Variants in DOCK6 observed in about 807,000 individuals in gnomAD.
DOCK6 encodes the protein dedicator of cytokinesis 6.
A neutral mutation model predicts 230.3 loss-of-function variants in DOCK6; 167 were observed. The ratio of observed to expected loss-of-function variants is 0.73; its 90% CI spans 0.64 to 0.82. The LOEUF (loss-of-function observed/expected upper bound fraction) is 0.82. Ranked by LOEUF, DOCK6 falls within the 40% of genes least tolerant of loss-of-function variation. The pLI is 0.00. For missense variants in DOCK6, 2,598 were observed against 2,825.8 expected, an observed-to-expected ratio of 0.92 and a Z score of 1.83; for synonymous variants, 1,148 against 1,185.0, an observed-to-expected ratio of 0.97 and a Z score of 0.64.
chr19:11,243,723 C>T lies in DOCK6; in HGVS notation c.1105-13G>A. ...GCTTCTCTTTGTTCTGTGGGGAGAC[C>T]CCGTCCCCTGCCAGCTCAGCATCCT... On this transcript the variant is annotated splice_polypyrimidine_tract_variant and intron_variant, in intron 10 of 47. Transcript: ENST00000294618. The surrounding 1 kb of genome is among the most constrained non-coding windows in gnomAD (Gnocchi z 6.3). 6.2e-7 allele frequency: 1 copy of T among 1,613,838 alleles called. No individual in the cohort carries two copies. Among genetic ancestry groups the T allele is most frequent in the Non-Finnish European group, 8.5e-7 (1 of 1,179,836 alleles).
Position 11,217,316 on chromosome 19 carries a change from G to A in DOCK6, c.3626C>T (p.Thr1209Ile). 6.2e-7 allele frequency: 1 copy of A among 1,613,396 alleles called. No individual in the cohort carries two copies. The highest frequency in any genetic ancestry group is 8.5e-7 in the Non-Finnish European group (1 of 1,179,772). Residue 1209 changes from threonine (T) to isoleucine (I), a missense_variant, in exon 29 of 48, where the codon ACC (threonine) becomes ATC (isoleucine). Transcript: ENST00000294618. Reference protein sequence around the residue: ...DTEGEGDIAGTINPSVAMAIA... With the variant: ...DTEGEGDIAGIINPSVAMAIA... ...GGCCATGGCCACAGAGGGGTTGATG[G>A]TACCCGCAATGTCCCCTTCGCCTTC...
In DOCK6 at chr19:11,237,696, T is replaced by C. The variant is rs1432118370; in HGVS notation, c.1916A>G (p.His639Arg). ...ENHHLLFTFY[H>R]VSCQPRPGTA... Reference sequence around the variant, plus strand: ...GCCCGGCCGGGGCTGGCAGCTGACATGGTAGAAGGTGAACAGCAGGTGATG... The same window carrying C: ...GCCCGGCCGGGGCTGGCAGCTGACACGGTAGAAGGTGAACAGCAGGTGATG... The change falls in exon 17 of 48, where the codon CAT (histidine) becomes CGT (arginine). Residue 639 changes from histidine (H) to arginine (R), a missense_variant. Transcript: ENST00000294618. 3.1e-6 allele frequency: 5 copies of C among 1,592,686 alleles called. No individual in the cohort carries two copies. Among genetic ancestry groups the C allele is most frequent in the Non-Finnish European group, 4.3e-6 (5 of 1,170,310 alleles).
At position 11,222,642 on chromosome 19, in the gene DOCK6, G is replaced by T. The variant is rs1372042542; in HGVS notation, c.3240+93C>A. On this transcript the variant is annotated intron_variant, in intron 26 of 47. Coordinates refer to ENST00000294618, the MANE Select transcript of DOCK6 (RefSeq NM_020812.4). The surrounding 1 kb of genome is among the most constrained non-coding windows in gnomAD (Gnocchi z 4.0). ...TAGTTCACCTAGGCAGTGGTCCACC[G>T]TGAAAGGGACAGAGATGAGGGAACC... 1.5e-6 allele frequency: 2 copies of T among 1,345,894 alleles called. No individual in the cohort carries two copies. Among genetic ancestry groups the T allele is most frequent in the Non-Finnish European group, 2.0e-6 (2 of 994,194 alleles). The allele number at this position is 1,345,894 out of a possible 1,614,324, so 83.4% of individuals were successfully genotyped here.
At position 11,227,421 on chromosome 19, in the gene DOCK6, C is replaced by T. The variant is rs1270948416; in HGVS notation, c.2871G>A (p.Lys957=). ...LLGQRLDTPR[K]LRFPGRFLDD... is the part of the protein sequence containing the mutation. ...CCAGGAAGCGTCCGGGGAAGCGCAG[C>T]TTGCGGGGTGTGTCTAGTCGCTGGC... Residue 957 remains lysine (K), a synonymous_variant, in exon 24 of 48, where the codon AAG becomes AAA. Coordinates refer to ENST00000294618, the MANE Select transcript of DOCK6 (RefSeq NM_020812.4). 1.2e-6 allele frequency: 2 copies of T among 1,612,878 alleles called. No individual in the cohort carries two copies. The highest frequency in any genetic ancestry group is 2.2e-5 in the South Asian group (2 of 90,928).
In DOCK6 at chr19:11,200,347, C is replaced by T. The variant is rs920607098; in HGVS notation, c.6062G>A (p.Arg2021His). ...GGTGGGTGCCATCAGCTGGGGCAGG[C>T]GCTGGGTAAGCAGGGGCTGCAGAGC... ...REALQPLLTQ[R>H]LPQLMAPTPP... is the part of the protein sequence containing the mutation. The change falls in exon 47 of 48, where the codon CGC (arginine) becomes CAC (histidine). Residue 2021 changes from arginine (R) to histidine (H), a missense_variant. Transcript: ENST00000294618. This position sits in a 1 kb window ranked among gnomAD's most constrained non-coding sequence, Gnocchi z 4.3. 39 of 1,578,086 alleles carry T rather than the reference C, an allele frequency of 2.5e-5. No homozygotes were observed. Among genetic ancestry groups the T allele is most frequent in the East Asian group, 7.0e-5 (3 of 42,920 alleles).
chr19:11,253,237 T>C (rs2080147195), intron 2 of DOCK6, among the ~76,000 whole-genome samples: 1 of 152,084 alleles, frequency 6.6e-6, no homozygotes, highest in Non-Finnish European at 1.5e-5. Flanking sequence ...GAAAGAAATG[T>C]TGACAGAGGC....
chr19:11,203,738 T>G, intron 41 of DOCK6: 1 of 398,252 alleles, frequency 2.5e-6, no homozygotes, highest in Non-Finnish European at 4.5e-6. Flanking sequence ...AGCCACGTGA[T>G]AGACTGGGGA....
chr19:11,209,639 CCTGT>C (rs1437257748), intron 37 of DOCK6, among the ~76,000 whole-genome samples: 1 of 95,264 alleles, frequency 1.0e-5, no homozygotes, highest in Non-Finnish European at 2.5e-5. Context: ...CATCCCTTCA[CCTGT>C]CTATCCCCTC....
At chr19:11,210,168 AC>A (rs1390928017) in intron 37 of DOCK6, among the ~76,000 whole-genome samples, 6 of 117,152 alleles carry the variant, frequency 5.1e-5, no homozygotes, top group Non-Finnish European at 8.8e-5. Flanking sequence ...TCACCTGCCC[AC>A]CCTCTCACCT....
chr19:11,203,937 G>A lies in DOCK6; in HGVS notation c.5235+144C>T, dbSNP rs1434642050. The stretch of plus-strand genomic sequence containing the variant: ...TTTTTGGGGAAGGGAGGGAAATAAT[G>A]GGGTGGGTCCCTTGTGGCCACAGCC... On this transcript the variant is annotated intron_variant, in intron 41 of 47. Coordinates refer to ENST00000294618, the MANE Select transcript of DOCK6 (RefSeq NM_020812.4). The A allele has an allele frequency of 3.7e-6, 4 of 1,080,490 alleles. No homozygotes were observed. In the African/African-American group the frequency reaches 6.5e-5, roughly 17 times the overall value. 66.9% of individuals were successfully genotyped at this position (1,080,490 alleles called of 1,614,324 possible).
chr19:11,216,769 A>T lies in DOCK6; in HGVS notation c.3894+145T>A, dbSNP rs186997675. ...GACTTTATTCCTTGCCTCAGCACAGAAACAGTCCACCCCTTTCCTCTCAGT... is the reference window on the plus strand; with the variant it reads ...GACTTTATTCCTTGCCTCAGCACAGTAACAGTCCACCCCTTTCCTCTCAGT... On this transcript the variant is annotated intron_variant, in intron 30 of 47. Transcript: ENST00000294618. 1.1e-4 allele frequency: 93 copies of T among 826,874 alleles called. 2 individuals are homozygous for T. The East Asian group carries it at 1.8e-3, about 16-fold the overall frequency. 51.2% of individuals were successfully genotyped at this position (826,874 alleles called of 1,614,324 possible). A position where few individuals can be genotyped will look rare whatever the true frequency, so the allele number is the denominator to read the frequency against.
Position 11,252,965 on chromosome 19 carries a change from T to G in DOCK6, c.133-7A>C. On this transcript the variant is annotated splice_polypyrimidine_tract_variant and splice_region_variant and intron_variant, in intron 2 of 47. Coordinates refer to ENST00000294618, the MANE Select transcript of DOCK6 (RefSeq NM_020812.4). The stretch of plus-strand genomic sequence containing the variant: ...CAACTTCAGTCAGTGGGACCTGGAT[T>G]GGAGCAAAGTGGCTGTGATCGCACT... The G allele has an allele frequency of 6.3e-7, 1 of 1,598,002 alleles. No individual in the cohort carries two copies.
intron 24 of DOCK6, among the ~76,000 whole-genome samples, chr19:11,224,364 C>A (rs2079631453): frequency 6.6e-6 from 1 of 151,816 alleles, no homozygotes; most frequent in South Asian, 2.1e-4. Context: ...GTGCGCACCA[C>A]CACACCTGGC....
chr19:11,252,984 T>C (rs374938359), intron 2 of DOCK6, 26 bp from the exon 3 acceptor site: 75 of 1,583,482 alleles, frequency 4.7e-5, no homozygotes, highest in Non-Finnish European at 6.3e-5. Context: ...GTGGCTGTGA[T>C]CGCACTACCT....
Position 11,209,221 on chromosome 19 carries a change from TCTC to T in DOCK6, c.4752-121_4752-119del, listed in dbSNP as rs947074673. 5 of 1,173,220 alleles carry T rather than the reference TCTC, an allele frequency of 4.3e-6. No individual in the cohort carries two copies. In the South Asian group the frequency reaches 4.4e-5, roughly 10 times the overall value. The allele number at this position is 1,173,220 out of a possible 1,614,324, so 72.7% of individuals were successfully genotyped here. On this transcript the variant is annotated intron_variant, in intron 37 of 47. Coordinates refer to ENST00000294618, the MANE Select transcript of DOCK6 (RefSeq NM_020812.4). The stretch of plus-strand genomic sequence containing the variant: ...CATGTCCGCCCCAAGGACCAGCCAA[TCTC>T]CTCACCTGTACCCCATCCCCTCACT...
Position 11,243,962 on chromosome 19 carries a change from C to G in DOCK6, c.1024-80G>C. 1 of 1,468,782 alleles carries G rather than the reference C, an allele frequency of 6.8e-7. No homozygotes were observed. Among genetic ancestry groups the G allele is most frequent in the Non-Finnish European group, 9.3e-7 (1 of 1,071,618 alleles). The allele number at this position is 1,468,782 out of a possible 1,614,324, so 91.0% of individuals were successfully genotyped here. A position where few individuals can be genotyped will look rare whatever the true frequency, so the allele number is the denominator to read the frequency against. On this transcript the variant is annotated intron_variant, in intron 9 of 47. Transcript: ENST00000294618. The surrounding 1 kb of genome is among the most constrained non-coding windows in gnomAD (Gnocchi z 6.3). ...CGTGCTGGCTCCCCAGCCTCCTGGA[C>G]CCCTCATGGGCCCTCGGACACTCCT...
intron 1 of DOCK6, 54 bp downstream of exon 1, chr19:11,262,343 G>T: frequency 8.3e-7 from 1 of 1,200,402 alleles, no homozygotes. Context: ...CACCGCCCCG[G>T]GGCGGAGCCG....
chr19:11,261,451 G>C (rs1009615848), intron 1 of DOCK6, among the ~76,000 whole-genome samples: 24 of 151,154 alleles, frequency 1.6e-4, no homozygotes, highest in Non-Finnish European at 2.7e-4. Context: ...TATCCCAAGA[G>C]GGGGATCTTT....
At position 11,253,950 on chromosome 19, in the gene DOCK6, C is replaced by T. The variant is rs555819127; in HGVS notation, c.45-224G>A. The stretch of plus-strand genomic sequence containing the variant: ...ATGAGAATGCTGCCACCAGTGGGGT[C>T]TGAAGCCATCACGGACTCTCCTTCC... On this transcript the variant is annotated intron_variant, in intron 1 of 47. Coordinates refer to ENST00000294618, the MANE Select transcript of DOCK6 (RefSeq NM_020812.4). 4 of 448,220 alleles carry T rather than the reference C, an allele frequency of 8.9e-6. No individual in the cohort carries two copies. In the East Asian group the frequency reaches 1.6e-4, roughly 18 times the overall value. The allele number at this position is 448,220 out of a possible 1,614,324, so 27.8% of individuals were successfully genotyped here.
Sources: gnomAD v4.1 joint callset for allele counts (sites outside exome capture counted in the v4.1 genomes callset) on GRCh38, gnomAD v4.1.1 for gene constraint, Gnocchi (gnomAD v3.1) non-coding constraint, MANE v1.5 for transcripts, NCBI Gene and HGNC (gene_info 2026-07-23, HGNC 2026-07-21) for gene names.